Variants in POGZ observed in about 807,000 individuals in gnomAD.
POGZ encodes the protein pogo transposable element derived with ZNF domain, also known as pogo transposable element with ZNF domain.
POGZ carries 17 observed loss-of-function variants against 134.6 expected under a neutral mutation model. The ratio of observed to expected loss-of-function variants is 0.13; its 90% CI spans 0.09 to 0.19. POGZ has a LOEUF of 0.19. POGZ is among the 10% of genes least tolerant of loss of function. The probability of loss-of-function intolerance (pLI) is 1.00; values close to 1 mark genes in which losing one functional copy is unlikely to be tolerated. For synonymous variants in POGZ, 693 were observed against 657.1 expected, an observed-to-expected ratio of 1.05 and a Z score of -0.84; for missense variants, 1,306 against 1,769.7, an observed-to-expected ratio of 0.74 and a Z score of 4.70.
At chr1:151,447,862 C>G (rs1027642259) in intron 1 of POGZ, among the ~76,000 whole-genome samples, 1 of 151,930 alleles carries the variant, frequency 6.6e-6, no homozygotes, top group African/African-American at 2.4e-5. Flanking sequence ...GTGGGAACGT[C>G]TTCAGTTGGC....
Position 151,405,126 on chromosome 1 carries a change from G to C in POGZ, c.3909C>G (p.Val1303=). 6.2e-7 allele frequency: 1 copy of C among 1,614,226 alleles called. No homozygotes were observed. ...TGACACCTAGCACTTCACCCAGCCA[G>C]ACAAGCACCAGCTGAAGCAGGACAT... ...DSDVLLQLVL[V]WLGEVLGVIG... Residue 1303 remains valine, a synonymous_variant, in exon 19 of 19, where the codon GTC becomes GTG. Transcript: ENST00000271715. This position sits in a 1 kb window ranked among gnomAD's most constrained non-coding sequence, Gnocchi z 4.9.
chr1:151,439,734 C>G (rs919583863), intron 3 of POGZ, among the ~76,000 whole-genome samples: 1 of 152,130 alleles, frequency 6.6e-6, no homozygotes, highest in African/African-American at 2.4e-5. Context: ...TATAAACTGA[C>G]ACAACATTTC....
chr1:151,443,062 T>C (rs1660780496), intron 1 of POGZ, among the ~76,000 whole-genome samples: 2 of 152,158 alleles, frequency 1.3e-5, no homozygotes, highest in South Asian at 4.2e-4. Flanking sequence ...TAATGTGTAA[T>C]ACCCAGGGCC....
rs954786324 is a variant in POGZ, at chr1:151,404,842, T to C, written c.4193A>G (p.Tyr1398Cys). Residue 1398 changes from tyrosine to cysteine, a missense_variant, in exon 19 of 19, where the codon TAT becomes TGT. Physicochemically the swap from Tyr to Cys is radical, Grantham distance 194. Around this residue, in one of 10 missense-constraint regions of POGZ, gnomAD observed 107 missense variants for 97.9 expected, o/e 1.09. Coordinates refer to ENST00000271715, the MANE Select transcript of POGZ (RefSeq NM_015100.4). ...ATCTAGGTCAGCTTCTTCAAAGCCA[T>C]AGAAAGACTCGGTCTCACTTTCACC... ...FEGESETESF[Y>C]GFEEADLDLM... 2.5e-6 allele frequency: 4 copies of C among 1,612,348 alleles called. No individual in the cohort carries two copies. The highest frequency in any genetic ancestry group is 3.4e-6 in the Non-Finnish European group (4 of 1,179,522).
intron 11 of POGZ, 136 bp from the exon 12 acceptor site, chr1:151,411,907 C>T: frequency 1.4e-6 from 1 of 689,880 alleles, no homozygotes; most frequent in Non-Finnish European, 2.3e-6. Context: ...AAATTATTTT[C>T]CTGACTTTGT....
chr1:151,438,101 C>T (rs1036082670), intron 3 of POGZ, among the ~76,000 whole-genome samples: 3 of 151,902 alleles, frequency 2.0e-5, no homozygotes, highest in Admixed American at 6.6e-5. Context: ...ATCCCAGCTA[C>T]TCAGGAGGCT....
At chr1:151,428,441 C>T in intron 5 of POGZ, 28 bp from the exon 6 acceptor site, 11 of 1,605,976 alleles carry the variant, frequency 6.8e-6, no homozygotes, top group Non-Finnish European at 9.4e-6. Context: ...AGTACCAGAT[C>T]TTGGTCAGTG....
At chr1:151,421,006 T>TATAC (rs112815385) in intron 10 of POGZ, among the ~76,000 whole-genome samples, 38 of 149,598 alleles carry the variant, frequency 2.5e-4, no homozygotes, top group African/African-American at 8.5e-4. Context: ...TATATATATA[T>TATAC]ACCTATGATA....
intron 10 of POGZ, among the ~76,000 whole-genome samples, chr1:151,421,977 G>T (rs1375148172): frequency 6.6e-6 from 1 of 152,074 alleles, no homozygotes; most frequent in Non-Finnish European, 1.5e-5. Context: ...GGTCTCCCCT[G>T]GCCTCAACTG....
intron 1 of POGZ, among the ~76,000 whole-genome samples, chr1:151,444,097 G>A (rs1660940645): frequency 6.6e-6 from 1 of 152,170 alleles, no homozygotes; most frequent in South Asian, 2.1e-4. Flanking sequence ...GTCAGCTATA[G>A]CCAGGGGCAC....
intron 10 of POGZ, among the ~76,000 whole-genome samples, chr1:151,417,049 C>T (rs1161367049): frequency 6.6e-6 from 1 of 151,708 alleles, no homozygotes; most frequent in African/African-American, 2.4e-5. Context: ...TTAAGGATTT[C>T]TGATTAATTC....
chr1:151,445,137 C>T (rs1395828252), intron 1 of POGZ, among the ~76,000 whole-genome samples: 6 of 152,148 alleles, frequency 3.9e-5, no homozygotes, highest in African/African-American at 1.2e-4. Flanking sequence ...GTCCTAACTA[C>T]TTTTTAATCA....
chr1:151,458,286 G>A (rs1035467043), intron 1 of POGZ, among the ~76,000 whole-genome samples: 19 of 151,932 alleles, frequency 1.3e-4, no homozygotes, highest in Admixed American at 3.9e-4. Flanking sequence ...AAATAAAATA[G>A]TCCCCGGGAT....
chr1:151,441,409 A>G (rs1334509177), intron 2 of POGZ, among the ~76,000 whole-genome samples: 1 of 152,188 alleles, frequency 6.6e-6, no homozygotes, highest in Non-Finnish European at 1.5e-5. Flanking sequence ...TGGTATTCAT[A>G]ATCATGCATA....
chr1:151,404,704 C>A lies in POGZ; in HGVS notation c.*98G>T. On this transcript the variant is annotated 3_prime_UTR_variant, in exon 19 of 19. Coordinates refer to ENST00000271715, the MANE Select transcript of POGZ (RefSeq NM_015100.4). ...GTGGTATAAAATTAAAAAATAGAAA[C>A]CAAATACCCCACCTGGTATGCCCCC... 1 of 1,450,100 alleles carries A rather than the reference C, an allele frequency of 6.9e-7. No homozygotes were observed. The highest frequency in any genetic ancestry group is 1.4e-5 in the African/African-American group (1 of 70,208). The allele number at this position is 1,450,100 out of a possible 1,614,324, so 89.8% of individuals were successfully genotyped here.
At chr1:151,424,744 G>A (rs1458345275) in intron 8 of POGZ, among the ~76,000 whole-genome samples, 2 of 152,194 alleles carry the variant, frequency 1.3e-5, no homozygotes, top group African/African-American at 4.8e-5. Context: ...CACTAAGAAA[G>A]TAAGATCACA....
At chr1:151,456,743 C>T (rs1391022472) in intron 1 of POGZ, among the ~76,000 whole-genome samples, 2 of 152,060 alleles carry the variant, frequency 1.3e-5, no homozygotes. Flanking sequence ...GCCTGAGGTC[C>T]GGAGTTCGAG....
chr1:151,438,038 A>G (rs1281184913), intron 3 of POGZ, among the ~76,000 whole-genome samples: 1 of 151,780 alleles, frequency 6.6e-6, no homozygotes, highest in Admixed American at 6.6e-5. Context: ...GTGAAACTCC[A>G]TCTCTACTAA....
At position 151,403,618 on chromosome 1, in the gene POGZ, A is replaced by C. The variant is rs919739817; in HGVS notation, c.*1184T>G. ...TTTCTTTCCTTGAAGCTGGCAGTGAAAAATAAAGATTCATGTCATTTTCTT... is the reference window on the plus strand; with the variant it reads ...TTTCTTTCCTTGAAGCTGGCAGTGACAAATAAAGATTCATGTCATTTTCTT... On this transcript the variant is annotated 3_prime_UTR_variant, in exon 19 of 19. Transcript: ENST00000271715. The C allele has an allele frequency of 1.0e-6, 1 of 985,816 alleles. No homozygotes were observed. Among genetic ancestry groups the C allele is most frequent in the Middle Eastern group, 5.2e-4 (1 of 1,914 alleles). 61.1% of individuals were successfully genotyped at this position (985,816 alleles called of 1,614,324 possible).
Sources: allele counts gnomAD v4.1 joint callset (sites outside exome capture counted in the v4.1 genomes callset), GRCh38; gene constraint gnomAD v4.1.1; regional missense constraint gnomAD v4.1.1; non-coding constraint Gnocchi (gnomAD v3.1); transcripts MANE v1.5; gene names NCBI Gene and HGNC (gene_info 2026-07-23, HGNC 2026-07-21).